INSIG1: variants seen among roughly 807,000 people sequenced by gnomAD.
INSIG1 encodes the protein insulin-induced gene 1 protein.
A neutral mutation model predicts 26.5 loss-of-function variants in INSIG1; 14 were observed. The ratio of observed to expected loss-of-function variants is 0.53; its 90% CI spans 0.35 to 0.83. INSIG1 has a LOEUF of 0.83. Among genes scored for constraint, INSIG1 ranks in the 40% least tolerant of loss-of-function variants. The pLI is 0.01. For synonymous variants in INSIG1, 147 were observed against 153.3 expected, an observed-to-expected ratio of 0.96 and a Z score of 0.30; for missense variants, 272 against 368.9, an observed-to-expected ratio of 0.74 and a Z score of 2.15.
chr7:155,298,210 C>G (rs1797674330), intron 1 of INSIG1, 49 bp from the exon 2 acceptor site: 3 of 1,349,918 alleles, frequency 2.2e-6, no homozygotes, highest in Non-Finnish European at 2.9e-6. Flanking sequence ...GCGGGGCCTT[C>G]CTCGCTCTTT....
rs2150904648 is a variant in INSIG1, at chr7:155,309,316, A to G, written c.*1046A>G. 1 of 152,758 alleles carries G rather than the reference A, an allele frequency of 6.5e-6. No individual in the cohort carries two copies. Among genetic ancestry groups the G allele is most frequent in the East Asian group, 1.9e-4 (1 of 5,188 alleles). The allele number at this position is 152,758 out of a possible 1,614,324, so 9.5% of individuals were successfully genotyped here. On this transcript the variant is annotated 3_prime_UTR_variant, in exon 6 of 6. Coordinates refer to ENST00000340368, the MANE Select transcript of INSIG1 (RefSeq NM_005542.6). ...TTCAAGTGCAATGTATATGAAAACC[A>G]ATCTGAGCCTTGTATCTCTTAAATA... is the stretch of plus-strand genomic sequence containing the variant.
chr7:155,303,482 G>A (rs1373837963), intron 5 of INSIG1, among the ~76,000 whole-genome samples: 2 of 152,180 alleles, frequency 1.3e-5, no homozygotes, highest in Admixed American at 6.5e-5. Flanking sequence ...CCATGTAGAC[G>A]GACTGTCCTG....
Position 155,308,273 on chromosome 7 carries a change from C to T in INSIG1, c.*3C>T. 1.2e-6 allele frequency: 2 copies of T among 1,611,336 alleles called. No homozygotes were observed. The highest frequency in any genetic ancestry group is 1.7e-6 in the Non-Finnish European group (2 of 1,177,982). On this transcript the variant is annotated 3_prime_UTR_variant, in exon 6 of 6. Coordinates refer to ENST00000340368, the MANE Select transcript of INSIG1 (RefSeq NM_005542.6). ...CTGAAAAGCCCCATAGTGATTGAGTCTTCAAAACCACCGATTCTGAGAGCA... is the reference window on the plus strand; with the variant it reads ...CTGAAAAGCCCCATAGTGATTGAGTTTTCAAAACCACCGATTCTGAGAGCA...
intron 5 of INSIG1, among the ~76,000 whole-genome samples, chr7:155,306,985 C>T (rs1446424230): frequency 1.3e-5 from 2 of 152,226 alleles, no homozygotes; most frequent in African/African-American, 4.8e-5. Context: ...TCACTGTGGC[C>T]TCTGTCGACC....
At position 155,308,490 on chromosome 7, in the gene INSIG1, C is replaced by T; in HGVS notation, c.*220C>T. 1 of 619,596 alleles carries T rather than the reference C, an allele frequency of 1.6e-6. No individual in the cohort carries two copies. 38.4% of individuals were successfully genotyped at this position (619,596 alleles called of 1,614,324 possible). A position where few individuals can be genotyped will look rare whatever the true frequency, so the allele number is the denominator to read the frequency against. On this transcript the variant is annotated 3_prime_UTR_variant, in exon 6 of 6. Transcript: ENST00000340368. The stretch of plus-strand genomic sequence containing the variant: ...CTTGACTGCCCGCACTGGCGCCTGT[C>T]TGTGCCCTGGAGCATTCTGCCCAGG...
rs1485342165 is a variant in INSIG1 at position 155,309,367 on chromosome 7, T to C, written c.*1097T>C. On this transcript the variant is annotated 3_prime_UTR_variant, in exon 6 of 6. Coordinates refer to ENST00000340368, the MANE Select transcript of INSIG1 (RefSeq NM_005542.6). ...TTTATTTTTTTTAACGTGTGAGATG[T>C]TCGAGAGAAGGTTCTCCATTCATTT... is the stretch of plus-strand genomic sequence containing the variant. 5 of 152,622 alleles carry C rather than the reference T, an allele frequency of 3.3e-5. No individual in the cohort carries two copies. The highest frequency in any genetic ancestry group is 5.9e-5 in the Non-Finnish European group (4 of 68,040). 9.5% of individuals were successfully genotyped at this position (152,622 alleles called of 1,614,324 possible).
intron 5 of INSIG1, among the ~76,000 whole-genome samples, chr7:155,304,151 A>G (rs1292900704): frequency 2.6e-5 from 4 of 152,002 alleles, no homozygotes; most frequent in Non-Finnish European, 5.9e-5. Context: ...TTTTGTGGAG[A>G]TGTTATCTCC....
chr7:155,307,152 A>T (rs546540372), intron 5 of INSIG1, among the ~76,000 whole-genome samples: 1 of 152,320 alleles, frequency 6.6e-6, no homozygotes, highest in East Asian at 1.9e-4. Flanking sequence ...GTTCATATCT[A>T]AAAATTGGCA....
At position 155,306,662 on chromosome 7, in the gene INSIG1, T is replaced by A. The variant is rs80272291; in HGVS notation, c.805-1579T>A. On this transcript the variant is annotated intron_variant, in intron 5 of 5. Coordinates refer to ENST00000340368, the MANE Select transcript of INSIG1 (RefSeq NM_005542.6). The stretch of plus-strand genomic sequence containing the variant: ...GCCAGTTTAGTCCTCATAACACAAG[T>A]CTTTGAAGTAGAAACTATTATTAGC... Among the ~76,000 whole-genome samples the A allele has an allele frequency of 6.2e-4, 95 of 152,318 alleles. 1 individual carries two copies. In the East Asian group the frequency reaches 0.017, roughly 27 times the overall value.
intron 5 of INSIG1, among the ~76,000 whole-genome samples, chr7:155,304,144 TG>T (rs1430035076): frequency 6.6e-6 from 1 of 152,206 alleles, no homozygotes; most frequent in Non-Finnish European, 1.5e-5. Flanking sequence ...TTTTGCTTTT[TG>T]TGGAGATGTT....
rs1464253252 is a variant in INSIG1 at position 155,298,502 on chromosome 7, G to C, written c.217G>C (p.Gly73Arg). The change falls in exon 2 of 6, where the codon GGC (glycine) becomes CGC (arginine). Residue 73 changes from glycine to arginine, a missense_variant. Physicochemically the swap from Gly to Arg is moderately radical, Grantham distance 125. This residue lies in a region of INSIG1 where 161 missense variants were observed against 179.2 expected (regional missense o/e 0.90). Coordinates refer to ENST00000340368, the MANE Select transcript of INSIG1 (RefSeq NM_005542.6). ...TGCTGCGATGAGCGGCCCCGAGCCC[G>C]GCAGCCCCTACCCCAACACCTGGCA... ...RSAAMSGPEP[G>R]SPYPNTWHHR... The C allele has an allele frequency of 6.3e-7, 1 of 1,578,504 alleles. No homozygotes were observed. The highest frequency in any genetic ancestry group is 8.6e-7 in the Non-Finnish European group (1 of 1,163,150).
rs748619679 is a variant in INSIG1 at position 155,308,318 on chromosome 7, A to T, written c.*48A>T. ...AGAGCAAGGAAGATTTTGGAAGAAAATCTGACTGTGGATTATGACAAAGAT... is the reference window on the plus strand; with the variant it reads ...AGAGCAAGGAAGATTTTGGAAGAAATTCTGACTGTGGATTATGACAAAGAT... On this transcript the variant is annotated 3_prime_UTR_variant, in exon 6 of 6. Transcript: ENST00000340368. The T allele has an allele frequency of 1.4e-5, 22 of 1,608,820 alleles. No individual in the cohort carries two copies. The highest frequency in any genetic ancestry group is 1.8e-5 in the Non-Finnish European group (21 of 1,175,326).
At position 155,308,147 on chromosome 7, in the gene INSIG1, T is replaced by G; in HGVS notation, c.805-94T>G. On this transcript the variant is annotated intron_variant, in intron 5 of 5. Coordinates refer to ENST00000340368, the MANE Select transcript of INSIG1 (RefSeq NM_005542.6). Reference sequence around the variant, plus strand: ...CTTCAGTCAAAGAAAGTGTCAATCTTTCCCATGTTAGGACCTACTTAATTG... The same window carrying G: ...CTTCAGTCAAAGAAAGTGTCAATCTGTCCCATGTTAGGACCTACTTAATTG... The G allele has an allele frequency of 4.5e-6, 3 of 669,082 alleles. No individual in the cohort carries two copies. The South Asian group carries it at 5.6e-5, about 13-fold the overall frequency. 41.4% of individuals were successfully genotyped at this position (669,082 alleles called of 1,614,324 possible).
rs554559276 is a variant in INSIG1 at position 155,303,159 on chromosome 7, TGA to T, written c.804+315_804+316del. On this transcript the variant is annotated intron_variant, in intron 5 of 5. Coordinates refer to ENST00000340368, the MANE Select transcript of INSIG1 (RefSeq NM_005542.6). Reference sequence around the variant, plus strand: ...AGCAGTAGAGAAAGTGACTGGTGTGTGAGTGTCCCCTCCTCCTTCACCATCGG... The same window carrying T: ...AGCAGTAGAGAAAGTGACTGGTGTGTGTGTCCCCTCCTCCTTCACCATCGG... 2,454 of 260,416 alleles carry T rather than the reference TGA, an allele frequency of 9.4e-3. 18 individuals are homozygous for T. Among genetic ancestry groups the T allele is most frequent in the Middle Eastern group, 0.013 (9 of 670 alleles). The allele number at this position is 260,416 out of a possible 1,614,324, so 16.1% of individuals were successfully genotyped here.
intron 2 of INSIG1, among the ~76,000 whole-genome samples, chr7:155,300,718 C>G (rs1267177455): frequency 6.6e-6 from 1 of 152,220 alleles, no homozygotes; most frequent in African/African-American, 2.4e-5. Flanking sequence ...TAAAGAATAA[C>G]TATTCCAGAC....
rs766006782 is a variant in INSIG1, at chr7:155,308,241, G to T, written c.805G>T (p.Gly269Cys). 2 of 1,543,714 alleles carry T rather than the reference G, an allele frequency of 1.3e-6. No individual in the cohort carries two copies. The highest frequency in any genetic ancestry group is 2.2e-5 in the East Asian group (1 of 44,532). ...TTTTTTTTTTCCTTTCTACACATAG[G>T]GTGTTCCTGAAAAGCCCCATAGTGA... Reference protein sequence around the residue: ...VGNIGRQLAMGVPEKPHSD With the variant: ...VGNIGRQLAMCVPEKPHSD The change falls in exon 6 of 6, where the codon GGT (glycine) becomes TGT (cysteine). Residue 269 changes from glycine to cysteine, a missense_variant and splice_region_variant. Coordinates refer to ENST00000340368, the MANE Select transcript of INSIG1 (RefSeq NM_005542.6).
At position 155,302,336 on chromosome 7, in the gene INSIG1, G is replaced by A. The variant is rs1797812277; in HGVS notation, c.623G>A (p.Arg208Lys). Reference protein sequence around the residue: ...LGLWWTFDRSRSGLGLGITIA... With the variant: ...LGLWWTFDRSKSGLGLGITIA... Reference sequence around the variant, plus strand: ...CTTTGGTGGACATTTGATCGTTCCAGAAGTGGCCTTGGGCTGGGGATCACC... The same window carrying A: ...CTTTGGTGGACATTTGATCGTTCCAAAAGTGGCCTTGGGCTGGGGATCACC... The change falls in exon 4 of 6, where the codon AGA becomes AAA. Residue 208 changes from arginine to lysine, a missense_variant. Coordinates refer to ENST00000340368, the MANE Select transcript of INSIG1 (RefSeq NM_005542.6). The surrounding 1 kb of genome is among the most constrained non-coding windows in gnomAD (Gnocchi z 4.3). 1.2e-6 allele frequency: 2 copies of A among 1,611,956 alleles called. No individual in the cohort carries two copies. Among genetic ancestry groups the A allele is most frequent in the East Asian group, 2.2e-5 (1 of 44,722 alleles).
chr7:155,304,099 G>T (rs527738569), intron 5 of INSIG1, among the ~76,000 whole-genome samples: 1 of 151,296 alleles, frequency 6.6e-6, no homozygotes, highest in Non-Finnish European at 1.5e-5. Context: ...GAGTAGCTGG[G>T]ATTACAGGCA....
At position 155,301,677 on chromosome 7, in the gene INSIG1, A is replaced by G; in HGVS notation, c.524A>G (p.Asn175Ser). The G allele has an allele frequency of 1.3e-6, 2 of 1,597,776 alleles. No homozygotes were observed. The highest frequency in any genetic ancestry group is 1.7e-6 in the Non-Finnish European group (2 of 1,169,010). Reference sequence around the variant, plus strand: ...TGCATAGCAGTTTTTGTTGGCATTAACCACGCCAGTGCTGTATCCTTAATT... The same window carrying G: ...TGCATAGCAGTTTTTGTTGGCATTAGCCACGCCAGTGCTGTATCCTTAATT... ...MRCIAVFVGI[N>S]HASAKLDFAN... The change falls in exon 3 of 6, where the codon AAC (asparagine) becomes AGC (serine). Residue 175 changes from asparagine to serine, a missense_variant. Physicochemically the swap from Asn to Ser is conservative, Grantham distance 46. This residue lies in a region of INSIG1 where 111 missense variants were observed against 189.8 expected (regional missense o/e 0.58). Transcript: ENST00000340368.
Sources: allele counts gnomAD v4.1 joint callset (sites outside exome capture counted in the v4.1 genomes callset), GRCh38; gene constraint gnomAD v4.1.1; regional missense constraint gnomAD v4.1.1; non-coding constraint Gnocchi (gnomAD v3.1); transcripts MANE v1.5; gene names NCBI Gene and HGNC (gene_info 2026-07-23, HGNC 2026-07-21).